LIFR: variants seen among roughly 807,000 people sequenced by gnomAD.
LIFR encodes the protein leukemia inhibitory factor receptor.
In LIFR, 84 loss-of-function variants were observed where a neutral mutation model predicts 122.2. That is an observed-to-expected ratio of 0.69 (90% confidence interval 0.58 to 0.82). The LOEUF (loss-of-function observed/expected upper bound fraction) is 0.82. Ranked by LOEUF, LIFR falls within the 40% of genes least tolerant of loss-of-function variation. The pLI, the probability that LIFR is intolerant of heterozygous loss-of-function variation, is 0.00. For synonymous variants in LIFR, 422 were observed against 434.7 expected (o/e 0.97, Z 0.36); for missense variants, 1,294 against 1,311.6 (o/e 0.99, Z 0.21).
intron 5 of LIFR, among the ~76,000 whole-genome samples, chr5:38,516,565 T>A (rs1746094304): frequency 6.6e-6 from 1 of 152,116 alleles, no homozygotes; most frequent in South Asian, 2.1e-4. Context: ...CAACAGATGT[T>A]GGAGAGGATG....
At chr5:38,607,457 C>G (rs1292081531) in intron 1 of LIFR, 1 of 152,208 alleles carries the variant, frequency 6.6e-6, no homozygotes, top group African/African-American at 2.4e-5. Flanking sequence ...CTCTCAAACT[C>G]CCATCTTCAC....
intron 7 of LIFR, among the ~76,000 whole-genome samples, chr5:38,508,990 T>C (rs1745648982): frequency 6.6e-6 from 1 of 152,204 alleles, no homozygotes. Flanking sequence ...CCTGCTCTTA[T>C]AAATTTCCTA....
intron 5 of LIFR, among the ~76,000 whole-genome samples, chr5:38,518,722 C>T (rs970328926): frequency 6.6e-6 from 1 of 152,162 alleles, no homozygotes; most frequent in South Asian, 2.1e-4. Context: ...TTTGAGGGTA[C>T]TCCTTCTACA....
At chr5:38,564,206 A>C (rs1027065650) in intron 1 of LIFR, among the ~76,000 whole-genome samples, 1 of 148,724 alleles carries the variant, frequency 6.7e-6, no homozygotes, top group Non-Finnish European at 1.5e-5. Flanking sequence ...CCCCTTCCCC[A>C]CACTACTCTT....
In LIFR at chr5:38,567,496, G is replaced by GTATTTATTTATTTATTTATT. The variant is rs56285132; in HGVS notation, c.-20+27745_-20+27764dup. Among the ~76,000 whole-genome samples the GTATTTATTTATTTATTTATT allele has an allele frequency of 3.3e-3, 437 of 132,872 alleles. 2 individuals are homozygous for GTATTTATTTATTTATTTATT. The highest frequency in any genetic ancestry group is 0.015 in the Middle Eastern group (4 of 274). The allele number at this position is 132,872 out of a possible 152,430, so 87.2% of individuals were successfully genotyped here. On this transcript the variant is annotated intron_variant, in intron 1 of 19. Coordinates refer to the LIFR transcript ENST00000263409. The stretch of plus-strand genomic sequence containing the variant: ...TTCATTGAAGGAATATGACCATTCT[G>GTATTTATTTATTTATTTATT]TATTTATTTATTTATTTATTTATTT...
chr5:38,525,187 G>A (rs761526007), intron 4 of LIFR, among the ~76,000 whole-genome samples: 12 of 152,142 alleles, frequency 7.9e-5, no homozygotes, highest in Non-Finnish European at 1.3e-4. Context: ...TTGGACCAAT[G>A]GAAAACAAAG....
intron 1 of LIFR, among the ~76,000 whole-genome samples, chr5:38,588,232 G>A (rs1237963803): frequency 6.6e-6 from 1 of 152,164 alleles, no homozygotes; most frequent in Non-Finnish European, 1.5e-5. Flanking sequence ...GGTCACACAG[G>A]TGGAAAGTTC....
At chr5:38,500,051 C>T (rs1198832556) in intron 11 of LIFR, among the ~76,000 whole-genome samples, 1 of 152,140 alleles carries the variant, frequency 6.6e-6, no homozygotes, top group Non-Finnish European at 1.5e-5. Context: ...TCTAACTACC[C>T]TATTTAAAAC....
In LIFR at chr5:38,496,304, G is replaced by A. The variant is rs983813999; in HGVS notation, c.1885+78C>T. 3.4e-6 allele frequency: 4 copies of A among 1,173,754 alleles called. No homozygotes were observed. In the Admixed American group the frequency reaches 6.7e-5, roughly 20 times the overall value. The allele number at this position is 1,173,754 out of a possible 1,614,324, so 72.7% of individuals were successfully genotyped here. ...AGGTATACGAGAAGAAGGCTGACAT[G>A]ACAAAAGAGCAAGTAACATCAGACA... On this transcript the variant is annotated intron_variant, in intron 13 of 19. Transcript: ENST00000453190.
chr5:38,548,497 C>CA lies in LIFR; in HGVS notation c.-20+7836dup, dbSNP rs113808547. On this transcript the variant is annotated intron_variant, in intron 1 of 19. Transcript: ENST00000453190. ...TTGAGTGGGCCTCCTGGCTTTGAAC[C>CA]ACATTGGTCACTTCCATATGTCATT... Among the ~76,000 whole-genome samples the CA allele has an allele frequency of 2.2e-3, 330 of 152,276 alleles. 1 individual carries two copies. Among genetic ancestry groups the CA allele is most frequent in the African/African-American group, 7.5e-3 (311 of 41,544 alleles).
rs79040751 is a variant in LIFR, at chr5:38,493,734, G to T, written c.1937C>A (p.Thr646Asn). Residue 646 changes from threonine to asparagine, a missense_variant, in exon 14 of 20, where the codon ACC becomes AAC. By Grantham distance (65) the Thr-to-Asn change is moderately conservative. Transcript: ENST00000453190. Reference sequence around the variant, plus strand: ...AGTCATGTTGGGGTCGTAATGCCAGGTGAGGAGAATCCCCTTTCCCATCCC... The same window carrying T: ...AGTCATGTTGGGGTCGTAATGCCAGTTGAGGAGAATCCCCTTTCCCATCCC... The part of the protein sequence containing the change: ...VVGMGKGILL[T>N]WHYDPNMTCD... 2,669 of 1,614,082 alleles carry T rather than the reference G, an allele frequency of 1.7e-3. 20 individuals are homozygous for T. The African/African-American group carries it at 0.027, about 17-fold the overall frequency.
chr5:38,558,688 A>G (rs996005776), upstream of LIFR: 1 of 152,210 alleles, frequency 6.6e-6, no homozygotes, highest in Non-Finnish European at 1.5e-5. Flanking sequence ...AAACTTAACA[A>G]TCGTGGTGGA....
At chr5:38,503,923 G>T in intron 10 of LIFR, 53 bp downstream of exon 10, 1 of 1,288,580 alleles carries the variant, frequency 7.8e-7, no homozygotes, top group Non-Finnish European at 1.1e-6. Flanking sequence ...AATTCTTTTT[G>T]AGAACTATTT....
rs776265111 is a variant in LIFR, at chr5:38,482,147, T to C, written c.2742A>G (p.Arg914=). 3.1e-5 allele frequency: 49 copies of C among 1,585,396 alleles called. 1 individual carries two copies. The South Asian group carries it at 4.6e-4, about 15-fold the overall frequency. ...TATCTTCTATTTTAGGAAATGCTGA[T>C]CGAGTTTCCAGAACCTCAACATTAT... ...TPNNVEVLET[R]SAFPKIEDTE... The change falls in exon 20 of 20, where the codon CGA becomes CGG. Residue 914 remains arginine, a synonymous_variant. Transcript: ENST00000453190.
At chr5:38,501,883 C>T (rs1185830394) in intron 11 of LIFR, among the ~76,000 whole-genome samples, 1 of 151,112 alleles carries the variant, frequency 6.6e-6, no homozygotes, top group African/African-American at 2.4e-5. Flanking sequence ...CTAACTTGAC[C>T]TGGGTATACT....
chr5:38,507,104 CTGTTG>C (rs1174027037), intron 7 of LIFR, among the ~76,000 whole-genome samples: 1 of 152,106 alleles, frequency 6.6e-6, no homozygotes, highest in Non-Finnish European at 1.5e-5. Context: ...ATTATAAGTA[CTGTTG>C]TTTAGAAAAC....
Position 38,502,575 on chromosome 5 carries a change from A to G in LIFR, c.1600+62T>C, listed in dbSNP as rs976471001. The G allele has an allele frequency of 7.8e-6, 11 of 1,405,858 alleles. No homozygotes were observed. In the Admixed American group the frequency reaches 1.2e-4, roughly 15 times the overall value. 87.1% of individuals were successfully genotyped at this position (1,405,858 alleles called of 1,614,324 possible). ...CACCCGGCCAACATCTTCTTTTTAA[A>G]GAAGTTGTAAAACTTCAGAATACAC... On this transcript the variant is annotated intron_variant, in intron 11 of 19. Coordinates refer to ENST00000453190, the MANE Select transcript of LIFR (RefSeq NM_001127671.2).
intron 17 of LIFR, among the ~76,000 whole-genome samples, chr5:38,485,412 T>C (rs1351502911): frequency 6.6e-6 from 1 of 152,224 alleles, no homozygotes; most frequent in African/African-American, 2.4e-5. Context: ...GTCAAGGCCA[T>C]CACTCTTCTC....
intron 1 of LIFR, among the ~76,000 whole-genome samples, chr5:38,532,220 C>G (rs1315064723): frequency 6.6e-6 from 1 of 152,140 alleles, no homozygotes; most frequent in Non-Finnish European, 1.5e-5. Context: ...TACAGCCATG[C>G]CAGGAAGAAG....
Sources: allele counts gnomAD v4.1 joint callset (sites outside exome capture counted in the v4.1 genomes callset), GRCh38; gene constraint gnomAD v4.1.1; transcripts MANE v1.5; gene names NCBI Gene and HGNC (gene_info 2026-07-23, HGNC 2026-07-21).